Variants in BRAP observed in about 807,000 individuals in gnomAD.
BRAP encodes the protein BRCA1 associated protein, also known as BRCA1-associated protein.
Under a neutral mutation model 73.4 loss-of-function variants are expected in BRAP, and 42 were observed. The observed-to-expected ratio is 0.57, with a 90% CI of 0.45 to 0.74. The LOEUF (loss-of-function observed/expected upper bound fraction) is 0.74. BRAP is among the 30% of genes least tolerant of loss of function. The probability of loss-of-function intolerance (pLI) is 0.00; values close to 1 mark genes in which losing one functional copy is unlikely to be tolerated. For synonymous variants in BRAP, 255 were observed against 267.4 expected (o/e 0.95, Z 0.45); for missense variants, 593 against 751.4 (o/e 0.79, Z 2.46).
In BRAP at chr12:111,672,765, C is replaced by T; in HGVS notation, c.643G>A (p.Asp215Asn). The change falls in exon 5 of 12, where the codon GAT becomes AAT. Residue 215 changes from aspartate (D) to asparagine (N), a missense_variant. Asp to Asn is a conservative substitution (Grantham distance 23). Around this residue, in one of 4 missense-constraint regions of BRAP, gnomAD observed 304 missense variants for 337.7 expected, o/e 0.90. Coordinates refer to ENST00000419234, the MANE Select transcript of BRAP (RefSeq NM_006768.5). ...CCATTGCATGTCATATAAAAACTATCCGCATCAGCCTATGTACACCAATGG... is the reference window on the plus strand; with the variant it reads ...CCATTGCATGTCATATAAAAACTATTCGCATCAGCCTATGTACACCAATGG... ...LIKFRAQADA[D>N]SFYMTCNGRQ... 1.9e-6 allele frequency: 3 copies of T among 1,613,774 alleles called. No homozygotes were observed. Among genetic ancestry groups the T allele is most frequent in the Non-Finnish European group, 2.5e-6 (3 of 1,179,874 alleles).
rs913728513 is a variant in BRAP, at chr12:111,685,854, G to C, written c.-62C>G. 2.8e-5 allele frequency: 36 copies of C among 1,299,696 alleles called. No homozygotes were observed. Among genetic ancestry groups the C allele is most frequent in the East Asian group, 6.2e-5 (2 of 32,344 alleles). 80.5% of individuals were successfully genotyped at this position (1,299,696 alleles called of 1,614,324 possible). On this transcript the variant is annotated 5_prime_UTR_variant, in exon 1 of 12. Coordinates refer to ENST00000419234, the MANE Select transcript of BRAP (RefSeq NM_006768.5). The stretch of plus-strand genomic sequence containing the variant: ...CAGGCGAGGCTGGAAGGCGAGCCGA[G>C]AGGCCGAGCGGCCCGGGGCCGGCAG...
At chr12:111,668,952 CA>C (rs910472205) in intron 5 of BRAP, among the ~76,000 whole-genome samples, 2 of 151,082 alleles carry the variant, frequency 1.3e-5, no homozygotes, top group East Asian at 1.9e-4. Flanking sequence ...TGCGTCTGGC[CA>C]AAAAAAATTC....
chr12:111,669,286 A>G (rs1468015387), intron 5 of BRAP, among the ~76,000 whole-genome samples: 1 of 151,016 alleles, frequency 6.6e-6, no homozygotes, highest in Non-Finnish European at 1.5e-5. Flanking sequence ...CTGGAGTGCA[A>G]TGGTGTGATC....
intron 1 of BRAP, 46 bp downstream of exon 1, chr12:111,685,665 G>T: frequency 6.4e-7 from 1 of 1,571,946 alleles, no homozygotes; most frequent in South Asian, 1.2e-5. Flanking sequence ...AAGCCCTCCG[G>T]GCCCAGACCC....
In BRAP at chr12:111,679,162, A is replaced by G. The variant is rs1347422962; in HGVS notation, c.622T>C (p.Phe208Leu). 6.4e-7 allele frequency: 1 copy of G among 1,556,434 alleles called. No individual in the cohort carries two copies. The highest frequency in any genetic ancestry group is 1.2e-5 in the South Asian group (1 of 81,606). The change falls in exon 4 of 12, where the codon TTT becomes CTT. Residue 208 changes from phenylalanine to leucine, a missense_variant. By Grantham distance (22) the Phe-to-Leu change is conservative. This residue lies in a region of BRAP where 304 missense variants were observed against 337.7 expected (regional missense o/e 0.90). Transcript: ENST00000419234. The part of the protein sequence containing the change: ...TPNQYMVLIK[F>L]RAQADADSFY... ...TTAATAACTTTTACCTGTGCACGAA[A>G]CTTTATCAGCACCATATATTGGTTG... is the stretch of plus-strand genomic sequence containing the variant.
intron 10 of BRAP, among the ~76,000 whole-genome samples, chr12:111,654,304 A>G (rs1439465024): frequency 6.6e-6 from 1 of 151,284 alleles, no homozygotes; most frequent in Non-Finnish European, 1.5e-5. Flanking sequence ...ACTGCAGATC[A>G]TTTTAAAACT....
chr12:111,652,142 C>A (rs1343452879), intron 10 of BRAP, among the ~76,000 whole-genome samples: 1 of 152,156 alleles, frequency 6.6e-6, no homozygotes, highest in Non-Finnish European at 1.5e-5. Context: ...AGGAACCAAA[C>A]TGTACATGTC....
chr12:111,650,060 A>G lies in BRAP; in HGVS notation c.1312-18T>C. The G allele has an allele frequency of 1.3e-6, 2 of 1,513,420 alleles. No individual in the cohort carries two copies. Among genetic ancestry groups the G allele is most frequent in the Non-Finnish European group, 1.8e-6 (2 of 1,091,206 alleles). 93.7% of individuals were successfully genotyped at this position (1,513,420 alleles called of 1,614,324 possible). On this transcript the variant is annotated intron_variant, in intron 10 of 11. Coordinates refer to ENST00000419234, the MANE Select transcript of BRAP (RefSeq NM_006768.5). ...TTGTTAATCTGAAAGAGCAAAGAGA[A>G]ATCAGATTCATTTCACAAAGGTAAT...
chr12:111,674,659 T>C (rs1887310386), intron 4 of BRAP, among the ~76,000 whole-genome samples: 1 of 152,196 alleles, frequency 6.6e-6, no homozygotes, highest in Non-Finnish European at 1.5e-5. Context: ...GGAGAGGCTT[T>C]ACTTAAGAAA....
intron 1 of BRAP, 131 bp downstream of exon 1, chr12:111,685,580 C>G: frequency 7.3e-7 from 1 of 1,373,474 alleles, no homozygotes; most frequent in Non-Finnish European, 9.4e-7. Context: ...GAGAGGGATC[C>G]CGATTACCTC....
chr12:111,675,824 G>T (rs1056469845), intron 4 of BRAP, among the ~76,000 whole-genome samples: 4 of 151,972 alleles, frequency 2.6e-5, no homozygotes, highest in Admixed American at 1.3e-4. Flanking sequence ...TCTCCAAGGA[G>T]GTGTCTGCTA....
chr12:111,669,975 C>T (rs1887106869), intron 5 of BRAP: 2 of 651,552 alleles, frequency 3.1e-6, no homozygotes, highest in Admixed American at 2.1e-5. Context: ...GTTGGTGTAT[C>T]CCTTCCAATA....
In BRAP at chr12:111,655,672, T is replaced by C. The variant is rs752782872; in HGVS notation, c.1222-17A>G. 45 of 1,572,898 alleles carry C rather than the reference T, an allele frequency of 2.9e-5. No individual in the cohort carries two copies. Among genetic ancestry groups the C allele is most frequent in the Non-Finnish European group, 3.9e-5 (45 of 1,143,186 alleles). ...ATATGAATACTAGAAACATAGAGAA[T>C]AAAGACCAAAATGTAAGTCACTGTT... On this transcript the variant is annotated splice_polypyrimidine_tract_variant and intron_variant, in intron 9 of 11. Coordinates refer to ENST00000419234, the MANE Select transcript of BRAP (RefSeq NM_006768.5).
rs941799240 is a variant in BRAP, at chr12:111,681,008, A to G, written c.443+629T>C. ...AGATTTGGTGGGGACATGAGACTAC[A>G]AAGATGCTGTGGATCATTTTCTTTG... is the stretch of plus-strand genomic sequence containing the variant. On this transcript the variant is annotated intron_variant, in intron 3 of 11. Transcript: ENST00000419234. Among the ~76,000 whole-genome samples the G allele has an allele frequency of 3.3e-5, 5 of 152,224 alleles. No individual in the cohort carries two copies. The South Asian group carries it at 6.2e-4, about 19-fold the overall frequency.
intron 10 of BRAP, among the ~76,000 whole-genome samples, chr12:111,653,984 G>C (rs1034462184): frequency 1.3e-5 from 2 of 152,222 alleles, no homozygotes; most frequent in Admixed American, 1.3e-4. Flanking sequence ...CTAGAGGGCA[G>C]AGAGAATCCT....
At chr12:111,682,624 C>G (rs1887648105) in intron 2 of BRAP, among the ~76,000 whole-genome samples, 1 of 151,842 alleles carries the variant, frequency 6.6e-6, no homozygotes, top group Non-Finnish European at 1.5e-5. Context: ...AGAAATTCTC[C>G]CTGGTAGCCG....
intron 10 of BRAP, among the ~76,000 whole-genome samples, chr12:111,653,369 T>G (rs980288841): frequency 3.9e-5 from 6 of 152,218 alleles, no homozygotes; most frequent in African/African-American, 1.4e-4. Flanking sequence ...AAACTCATTT[T>G]ACAATCCACA....
At chr12:111,683,892 A>T (rs755431465) in intron 1 of BRAP, among the ~76,000 whole-genome samples, 2 of 152,188 alleles carry the variant, frequency 1.3e-5, no homozygotes, top group African/African-American at 4.8e-5. Context: ...CTTAGAGAAG[A>T]TGCAACAGTG....
At chr12:111,681,583 C>CAAAA (rs368877992) in intron 3 of BRAP, 54 bp downstream of exon 3, 263 of 1,119,286 alleles carry the variant, frequency 2.3e-4, no homozygotes, top group South Asian at 5.6e-4. Context: ...TAAAGCAAAG[C>CAAAA]AAAAAAAAAA....
Sources: gnomAD v4.1 joint callset for allele counts (sites outside exome capture counted in the v4.1 genomes callset) on GRCh38, gnomAD v4.1.1 for gene constraint, gnomAD v4.1.1 regional missense constraint, MANE v1.5 for transcripts, NCBI Gene and HGNC (gene_info 2026-07-23, HGNC 2026-07-21) for gene names.